SLCO5A1: variants seen among roughly 807,000 people sequenced by gnomAD.
SLCO5A1 encodes organic anion transporter polypeptide-related protein 4.
In SLCO5A1, 39 loss-of-function variants were observed where a neutral mutation model predicts 65.1. That is an observed-to-expected ratio of 0.60 (90% CI 0.46 to 0.78). The LOEUF is 0.78. SLCO5A1 is among the 30% of genes least tolerant of loss of function. SLCO5A1 has a pLI of 0.00. For missense variants in SLCO5A1, 1,029 were observed against 1,069.4 expected (o/e 0.96, Z 0.53); for synonymous variants, 438 against 415.7 (o/e 1.05, Z -0.65).
chr8:69,793,002 G>A (rs948959641), intron 2 of SLCO5A1, among the ~76,000 whole-genome samples: 13 of 151,292 alleles, frequency 8.6e-5, no homozygotes, highest in African/African-American at 2.9e-4. Flanking sequence ...GTTTTGAGAC[G>A]GAATCTCACT....
chr8:69,761,428 CTTCT>C, intron 3 of SLCO5A1: 1 of 276,238 alleles, frequency 3.6e-6, no homozygotes, highest in Non-Finnish European at 6.7e-6. Context: ...ATCGAATCTC[CTTCT>C]TTGATTCTTG....
At chr8:69,764,195 G>C (rs769829565) in intron 2 of SLCO5A1, among the ~76,000 whole-genome samples, 24 of 152,266 alleles carry the variant, frequency 1.6e-4, no homozygotes, top group South Asian at 6.2e-4. Flanking sequence ...TTGTGTACAA[G>C]GCCTGGTAAC....
chr8:69,826,458 A>C (rs1195147523), intron 2 of SLCO5A1, among the ~76,000 whole-genome samples: 6 of 152,246 alleles, frequency 3.9e-5, no homozygotes, highest in Middle Eastern at 3.4e-3. Flanking sequence ...ACCCCATCAA[A>C]AAGTGGGCAA....
rs1188767519 is a variant in SLCO5A1, at chr8:69,672,762, T to C, written c.*107A>G. 2 of 1,225,910 alleles carry C rather than the reference T, an allele frequency of 1.6e-6. No homozygotes were observed. Among genetic ancestry groups the C allele is most frequent in the East Asian group, 5.0e-5 (2 of 40,068 alleles). 75.9% of individuals were successfully genotyped at this position (1,225,910 alleles called of 1,614,324 possible). On this transcript the variant is annotated 3_prime_UTR_variant, in exon 10 of 10. Coordinates refer to ENST00000260126, the MANE Select transcript of SLCO5A1 (RefSeq NM_030958.3). Reference sequence around the variant, plus strand: ...CTGAGTTTTGTTGGTTTGAGGATTGTGTCTGTAGAGGTTAAAAAAAAGAAA... The same window carrying C: ...CTGAGTTTTGTTGGTTTGAGGATTGCGTCTGTAGAGGTTAAAAAAAAGAAA...
In SLCO5A1 at chr8:69,676,601, G is replaced by A. The variant is rs1813559038; in HGVS notation, c.2089+8C>T. On this transcript the variant is annotated splice_region_variant and intron_variant, in intron 9 of 9. Coordinates refer to ENST00000260126, the MANE Select transcript of SLCO5A1 (RefSeq NM_030958.3). ...CTAAGAGGTACACTTGGAAATTCAGGGACGTACCAAGTGTTCGCAACAAAA... is the reference window on the plus strand; with the variant it reads ...CTAAGAGGTACACTTGGAAATTCAGAGACGTACCAAGTGTTCGCAACAAAA... 6.8e-6 allele frequency: 11 copies of A among 1,609,732 alleles called. No individual in the cohort carries two copies. The highest frequency in any genetic ancestry group is 1.7e-4 in the Middle Eastern group (1 of 6,052).
intron 2 of SLCO5A1, chr8:69,772,964 T>C (rs1818396032): frequency 1.0e-6 from 1 of 985,276 alleles, no homozygotes; most frequent in African/African-American, 1.7e-5. Context: ...GCACCAATTA[T>C]ATGCTGTGGA....
At chr8:69,714,982 G>A (rs1815444716) in intron 5 of SLCO5A1, 1 of 152,214 alleles carries the variant, frequency 6.6e-6, no homozygotes, top group Non-Finnish European at 1.5e-5. Context: ...TCAGGTTTCT[G>A]TAAAGCTCTG....
intron 2 of SLCO5A1, among the ~76,000 whole-genome samples, chr8:69,797,451 AAG>A (rs1819550564): frequency 6.6e-6 from 1 of 152,278 alleles, no homozygotes; most frequent in South Asian, 2.1e-4. Context: ...TTCAGGGAAC[AAG>A]AGAGATAACC....
intron 5 of SLCO5A1, among the ~76,000 whole-genome samples, chr8:69,709,587 A>G (rs1236949536): frequency 6.6e-6 from 1 of 152,246 alleles, no homozygotes; most frequent in East Asian, 1.9e-4. Context: ...AGGAAGGAAC[A>G]AATATACACT....
chr8:69,779,450 C>A (rs2130881294), intron 2 of SLCO5A1, among the ~76,000 whole-genome samples: 1 of 152,286 alleles, frequency 6.6e-6, no homozygotes, highest in African/African-American at 2.4e-5. Flanking sequence ...GGCAGTATCT[C>A]AGAGGTTCAA....
intron 2 of SLCO5A1, among the ~76,000 whole-genome samples, chr8:69,765,817 G>C (rs796684277): frequency 5.9e-5 from 9 of 152,160 alleles, no homozygotes; most frequent in African/African-American, 2.2e-4. Context: ...ACCATACTCT[G>C]CCTGGGCCTT....
chr8:69,742,993 A>C, intron 4 of SLCO5A1, among the ~76,000 whole-genome samples: 1 of 151,574 alleles, frequency 6.6e-6, no homozygotes, highest in East Asian at 1.9e-4. Context: ...GTAGAGACGG[A>C]GTTTCACCAT....
chr8:69,805,094 C>T (rs1007660725), intron 2 of SLCO5A1, among the ~76,000 whole-genome samples: 1 of 151,802 alleles, frequency 6.6e-6, no homozygotes, highest in African/African-American at 2.4e-5. Context: ...ATGGAGTGCA[C>T]ATCCAAGATA....
At chr8:69,719,551 T>C (rs1815720971) in intron 5 of SLCO5A1, 1 of 152,222 alleles carries the variant, frequency 6.6e-6, no homozygotes, top group Non-Finnish European at 1.5e-5. Context: ...GCTCATAGAA[T>C]GAATTGCTGT....
At chr8:69,804,264 T>G (rs1819886767) in intron 2 of SLCO5A1, among the ~76,000 whole-genome samples, 1 of 152,170 alleles carries the variant, frequency 6.6e-6, no homozygotes, top group Non-Finnish European at 1.5e-5. Context: ...AATCTATACC[T>G]TAAAAATTAC....
At chr8:69,804,957 C>T (rs746515945) in intron 2 of SLCO5A1, among the ~76,000 whole-genome samples, 2 of 152,136 alleles carry the variant, frequency 1.3e-5, no homozygotes, top group Non-Finnish European at 2.9e-5. Flanking sequence ...TCTAACAACT[C>T]CCTGTGATTT....
chr8:69,804,371 T>A (rs1228851455), intron 2 of SLCO5A1, among the ~76,000 whole-genome samples: 3 of 152,210 alleles, frequency 2.0e-5, no homozygotes, highest in African/African-American at 4.8e-5. Context: ...TGTAGTACAG[T>A]GGCACAATCT....
intron 5 of SLCO5A1, among the ~76,000 whole-genome samples, chr8:69,724,436 G>A (rs953172793): frequency 1.2e-4 from 18 of 152,250 alleles, no homozygotes; most frequent in African/African-American, 4.1e-4. Context: ...TGCAAATAGA[G>A]ATAGGAGAAG....
chr8:69,800,425 T>C (rs577528782), intron 2 of SLCO5A1, among the ~76,000 whole-genome samples: 91 of 151,776 alleles, frequency 6.0e-4, no homozygotes, highest in Non-Finnish European at 1.2e-3. Flanking sequence ...CTTATACCAG[T>C]TTGAACAGAT....
Sources: gnomAD v4.1 joint callset for allele counts (sites outside exome capture counted in the v4.1 genomes callset) on GRCh38, gnomAD v4.1.1 for gene constraint, MANE v1.5 for transcripts, NCBI Gene and HGNC (gene_info 2026-07-23, HGNC 2026-07-21) for gene names.